The following CLASP2 variants were observed in gnomAD, a reference collection of about 807,000 sequenced individuals.
CLASP2 encodes the protein cytoplasmic linker associated protein 2, also known as CLIP-associating protein 2.
Under a neutral mutation model 194.4 loss-of-function variants are expected in CLASP2, and 47 were observed. That is an observed-to-expected ratio of 0.24 (90% CI 0.19 to 0.31). The LOEUF (loss-of-function observed/expected upper bound fraction) is 0.31. Ranked by LOEUF, CLASP2 falls within the 10% of genes least tolerant of loss-of-function variation. The pLI is 1.00. For missense variants in CLASP2, 1,445 were observed against 1,823.6 expected (o/e 0.79, Z 3.78); for synonymous variants, 619 against 633.5 (o/e 0.98, Z 0.34).
chr3:33,559,026 GC>G, intron 29 of CLASP2: 1 of 473,848 alleles, frequency 2.1e-6, no homozygotes, highest in Non-Finnish European at 3.9e-6. Flanking sequence ...ATGTGTGCAT[GC>G]GTAAAAGGCT....
In CLASP2 at chr3:33,551,272, T is replaced by C; in HGVS notation, c.3133A>G (p.Lys1045Glu). The C allele has an allele frequency of 6.2e-7, 1 of 1,613,170 alleles. No individual in the cohort carries two copies. The highest frequency in any genetic ancestry group is 8.5e-7 in the Non-Finnish European group (1 of 1,179,440). The change falls in exon 30 of 39, where the codon AAA becomes GAA. Residue 1045 changes from lysine (K) to glutamate (E), a missense_variant. Lys to Glu is a moderately conservative substitution (Grantham distance 56). Coordinates refer to ENST00000682230, the MANE Select transcript of CLASP2 (RefSeq NM_001365631.1). ...SRVITWTTEPKSSDVRKAAQS... is the reference protein window; with the variant it reads ...SRVITWTTEPESSDVRKAAQS... The stretch of plus-strand genomic sequence containing the variant: ...TATACCTTCCGAACATCAGAACTTT[T>C]GGGTTCTGTTGTCCAAGTGATGACC...
At chr3:33,549,742 C>CTTTT (rs139359537) in intron 30 of CLASP2, among the ~76,000 whole-genome samples, 1 of 142,278 alleles carries the variant, frequency 7.0e-6, no homozygotes, top group Non-Finnish European at 1.5e-5. Context: ...TACTTTTTTT[C>CTTTT]TTTTTTTTTT....
At chr3:33,610,733 T>C (rs572026836) in intron 13 of CLASP2, among the ~76,000 whole-genome samples, 1 of 152,308 alleles carries the variant, frequency 6.6e-6, no homozygotes, top group East Asian at 1.9e-4. Flanking sequence ...CCCCTTAGCA[T>C]GTGTAGGCTG....
At chr3:33,647,799 C>T (rs2082521932) in intron 7 of CLASP2, among the ~76,000 whole-genome samples, 1 of 152,104 alleles carries the variant, frequency 6.6e-6, no homozygotes, top group African/African-American at 2.4e-5. Context: ...CTTTGGGAGG[C>T]CGAGGCAGGT....
intron 6 of CLASP2, among the ~76,000 whole-genome samples, chr3:33,671,837 T>C (rs1003260670): frequency 3.9e-5 from 6 of 152,132 alleles, no homozygotes; most frequent in Middle Eastern, 6.3e-3. Context: ...GACTCACTGA[T>C]TGCTAGCACA....
At chr3:33,620,975 A>G (rs984543636) in intron 11 of CLASP2, among the ~76,000 whole-genome samples, 3 of 150,574 alleles carry the variant, frequency 2.0e-5, no homozygotes, top group African/African-American at 7.4e-5. Context: ...ATGGATTCCC[A>G]TATTATGATC....
At chr3:33,551,481 T>A in intron 29 of CLASP2, 86 bp from the exon 30 acceptor site, 1 of 1,376,604 alleles carries the variant, frequency 7.3e-7, no homozygotes, top group South Asian at 1.5e-5. Flanking sequence ...CAGGTGATGA[T>A]GATGATTTTT....
At chr3:33,558,847 T>G (rs199846463) in intron 29 of CLASP2, 1 of 154,088 alleles carries the variant, frequency 6.5e-6, no homozygotes, top group South Asian at 2.0e-4. Context: ...AAAAAAAAAG[T>G]AATGGGAAAT....
At chr3:33,645,533 C>G (rs1575205733) in intron 7 of CLASP2, 2 of 455,870 alleles carry the variant, frequency 4.4e-6, no homozygotes, top group South Asian at 5.7e-5. Flanking sequence ...CTTATGGCAG[C>G]TACTGCCAGA....
Position 33,538,790 on chromosome 3 carries a change from G to A in CLASP2, c.3557C>T (p.Ser1186Leu). 1 of 1,570,394 alleles carries A rather than the reference G, an allele frequency of 6.4e-7. No individual in the cohort carries two copies. Residue 1186 changes from serine to leucine, a missense_variant and splice_region_variant, in exon 33 of 39, where the codon TCA becomes TTA. Around this residue, in one of 4 missense-constraint regions of CLASP2, gnomAD observed 732 missense variants for 987.9 expected, o/e 0.74. Transcript: ENST00000682230. The part of the protein sequence containing the change: ...KRDSKKDDGD[S>L]MCGGPGMSDP... ...AAGTAAGGATATTAAAATACTTACT[G>A]AATCGCCATCATCTTTTTTAGAATC...
intron 1 of CLASP2, among the ~76,000 whole-genome samples, chr3:33,712,685 G>A (rs1182862347): frequency 2.6e-5 from 4 of 152,046 alleles, no homozygotes; most frequent in Admixed American, 2.0e-4. Context: ...GGGTCAAGCC[G>A]GGCACGGTGG....
chr3:33,541,811 A>G (rs533562619), intron 32 of CLASP2, among the ~76,000 whole-genome samples: 1 of 152,234 alleles, frequency 6.6e-6, no homozygotes, highest in African/African-American at 2.4e-5. Flanking sequence ...ATGTGCATGT[A>G]TCTTTATAAC....
chr3:33,630,142 G>A (rs901704020), intron 9 of CLASP2, among the ~76,000 whole-genome samples: 9 of 152,158 alleles, frequency 5.9e-5, no homozygotes, highest in African/African-American at 2.2e-4. Flanking sequence ...TGAGGAGGAG[G>A]TCTAGAAACT....
intron 23 of CLASP2, among the ~76,000 whole-genome samples, chr3:33,576,899 T>G (rs929231951): frequency 5.9e-5 from 9 of 151,680 alleles, no homozygotes; most frequent in African/African-American, 9.7e-5. Context: ...CATCCACCAT[T>G]TTGGTTTTTT....
Position 33,718,071 on chromosome 3 carries a change from A to G in CLASP2, c.-69T>C. On this transcript the variant is annotated 5_prime_UTR_variant, in exon 1 of 39. Coordinates refer to ENST00000682230, the MANE Select transcript of CLASP2 (RefSeq NM_001365631.1). ...TTTCGCCGAGAGCCGCCCAGCCTCC[A>G]GTGCGGGTCCCCGCGGGAGCGGGCG... The G allele has an allele frequency of 1.4e-6, 2 of 1,405,794 alleles. No individual in the cohort carries two copies. Among genetic ancestry groups the G allele is most frequent in the African/African-American group, 3.0e-5 (2 of 66,026 alleles). 87.1% of individuals were successfully genotyped at this position (1,405,794 alleles called of 1,614,324 possible).
At chr3:33,715,630 G>A (rs1256374376) in intron 1 of CLASP2, among the ~76,000 whole-genome samples, 1 of 151,960 alleles carries the variant, frequency 6.6e-6, no homozygotes, top group Non-Finnish European at 1.5e-5. Flanking sequence ...AAGCTGGATG[G>A]ATCCTTAGCA....
Position 33,673,538 on chromosome 3 carries a change from C to T in CLASP2, c.645-10023G>A, listed in dbSNP as rs1221601256. On this transcript the variant is annotated intron_variant, in intron 6 of 38. Coordinates refer to ENST00000682230, the MANE Select transcript of CLASP2 (RefSeq NM_001365631.1). Reference sequence around the variant, plus strand: ...ACTAGGAAGAAACTGCATCAACTAACGAGCAAAATAACCAGCTAACATCAT... The same window carrying T: ...ACTAGGAAGAAACTGCATCAACTAATGAGCAAAATAACCAGCTAACATCAT... Among the ~76,000 whole-genome samples the T allele has an allele frequency of 8.6e-3, 1,308 of 152,030 alleles. 18 individuals carry two copies. The highest frequency in any genetic ancestry group is 0.03 in the African/African-American group (1,247 of 41,446).
chr3:33,543,450 C>G lies in CLASP2; in HGVS notation c.3387G>C (p.Gln1129His). Residue 1129 changes from glutamine (Q) to histidine (H), a missense_variant, in exon 32 of 39, where the codon CAG becomes CAC. By Grantham distance (24) the Gln-to-His change is conservative (BLOSUM62 0). This residue lies in a region of CLASP2 where 732 missense variants were observed against 987.9 expected (regional missense o/e 0.74). Transcript: ENST00000682230. ...TTTATTACCTTGGAGATAAAGTATTCTGTGATGTATTGGTAGGAGAAGTAA... is the reference window on the plus strand; with the variant it reads ...TTTATTACCTTGGAGATAAAGTATTGTGTGATGTATTGGTAGGAGAAGTAA... ...SPLTSPTNTS[Q>H]NTLSPSAFDY... The G allele has an allele frequency of 6.3e-7, 1 of 1,597,758 alleles. No individual in the cohort carries two copies. The highest frequency in any genetic ancestry group is 1.1e-5 in the South Asian group (1 of 90,748).
intron 34 of CLASP2, among the ~76,000 whole-genome samples, chr3:33,528,812 AAGAAAGAG>A (rs924914981): frequency 3.3e-5 from 5 of 152,148 alleles, no homozygotes; most frequent in Non-Finnish European, 7.4e-5. Flanking sequence ...GAAAGGAAGA[AAGAAAGAG>A]AGAAAGAAAG....
Sources: allele counts gnomAD v4.1 joint callset (sites outside exome capture counted in the v4.1 genomes callset), GRCh38; gene constraint gnomAD v4.1.1; regional missense constraint gnomAD v4.1.1; transcripts MANE v1.5; gene names NCBI Gene and HGNC (gene_info 2026-07-23, HGNC 2026-07-21).